ARHGEF4: variants seen among roughly 807,000 people sequenced by gnomAD.
The protein encoded by ARHGEF4 is Rho guanine nucleotide exchange factor 4.
ARHGEF4 carries 119 observed loss-of-function variants against 162.0 expected under a neutral mutation model. The observed-to-expected ratio is 0.73, with a 90% confidence interval of 0.63 to 0.86. The LOEUF is 0.86. Ranked by LOEUF, ARHGEF4 falls within the 40% of genes least tolerant of loss-of-function variation. The pLI is 0.00. For synonymous variants in ARHGEF4, 1,014 were observed against 979.9 expected (o/e 1.03, Z -0.65); for missense variants, 2,488 against 2,456.0 (o/e 1.01, Z -0.28).
At chr2:130,927,313 A>C (rs1289613386) in intron 2 of ARHGEF4, among the ~76,000 whole-genome samples, 1 of 152,146 alleles carries the variant, frequency 6.6e-6, no homozygotes, top group African/African-American at 2.4e-5. Flanking sequence ...GACACCAGGA[A>C]GAGGATGGAA....
At chr2:130,904,711 A>G (rs768435034) in intron 1 of ARHGEF4, among the ~76,000 whole-genome samples, 5 of 151,982 alleles carry the variant, frequency 3.3e-5, no homozygotes, top group Admixed American at 1.3e-4. Flanking sequence ...CTTTTTTGCA[A>G]ATATTTTTAA....
In ARHGEF4 at chr2:130,890,560, TA is replaced by T. The variant is rs1182979069; in HGVS notation, c.40-23410del. Among the ~76,000 whole-genome samples the T allele has an allele frequency of 9.7e-3, 1,331 of 137,394 alleles. 8 individuals carry two copies. Among genetic ancestry groups the T allele is most frequent in the African/African-American group, 0.02 (759 of 37,092 alleles). 90.1% of individuals were successfully genotyped at this position (137,394 alleles called of 152,430 possible). The stretch of plus-strand genomic sequence containing the variant: ...CTGGGTGATAGAGCGAGACTCCGTT[TA>T]AAAAAAAAAAAAAAATTCCATCATT... On this transcript the variant is annotated intron_variant, in intron 1 of 13. Coordinates refer to ENST00000409359, the MANE Select transcript of ARHGEF4 (RefSeq NM_001367493.1).
intron 1 of ARHGEF4, among the ~76,000 whole-genome samples, chr2:130,867,384 C>T (rs1028359806): frequency 1.3e-5 from 2 of 151,792 alleles, no homozygotes; most frequent in African/African-American, 4.8e-5. Flanking sequence ...ATTACAGGTG[C>T]GTGCCACTGC....
intron 3 of ARHGEF4, 24 bp from the exon 4 acceptor site, chr2:130,946,485 T>C (rs775457019): frequency 4.4e-6 from 7 of 1,594,054 alleles, no homozygotes; most frequent in Non-Finnish European, 5.1e-6. Context: ...TCATTTGCCC[T>C]CTGTCTCTTT....
rs1255756093 is a variant in ARHGEF4, at chr2:130,914,903, G to A, written c.957G>A (p.Lys319=). The change falls in exon 2 of 14, where the codon AAG becomes AAA. Residue 319 remains lysine, a synonymous_variant. Transcript: ENST00000409359. The part of the protein sequence containing the change: ...HHSAPETTGD[K]NRASPRLNCG... ...GTGCCCCAGAAACTACTGGTGACAA[G>A]AACAGGGCATCCCCCAGACTCAACT... is the stretch of plus-strand genomic sequence containing the variant. 9 of 1,514,228 alleles carry A rather than the reference G, an allele frequency of 5.9e-6. No homozygotes were observed. The highest frequency in any genetic ancestry group is 8.0e-6 in the Non-Finnish European group (9 of 1,128,436). 93.8% of individuals were successfully genotyped at this position (1,514,228 alleles called of 1,614,324 possible). A position where few individuals can be genotyped will look rare whatever the true frequency, so the allele number is the denominator to read the frequency against.
chr2:130,918,356 A>G lies in ARHGEF4; in HGVS notation c.3552+858A>G, dbSNP rs77948932. ...CAGGGTCAGGCACAGAACGGAGCAG[A>G]GAAGGGTTGGATTTCTCATCCCAGC... On this transcript the variant is annotated intron_variant, in intron 2 of 13. Coordinates refer to ENST00000409359, the MANE Select transcript of ARHGEF4 (RefSeq NM_001367493.1). Among the ~76,000 whole-genome samples, 327 of 152,328 alleles carry G rather than the reference A, an allele frequency of 2.1e-3. 1 individual carries two copies. The highest frequency in any genetic ancestry group is 6.5e-3 in the African/African-American group (271 of 41,572).
chr2:130,846,998 T>G (rs1321127739), intron 1 of ARHGEF4, among the ~76,000 whole-genome samples: 5 of 152,224 alleles, frequency 3.3e-5, no homozygotes, highest in African/African-American at 1.2e-4. Flanking sequence ...AGCCCCAGAT[T>G]TGATTCTCCA....
chr2:130,952,401 T>G (rs1046029768), intron 4 of ARHGEF4, among the ~76,000 whole-genome samples: 3 of 152,170 alleles, frequency 2.0e-5, no homozygotes, highest in South Asian at 4.1e-4. Context: ...TAGGTATTGA[T>G]GGAACGTATC....
At position 131,044,948 on chromosome 2, in the gene ARHGEF4, C is replaced by T. The variant is rs1259177920; in HGVS notation, c.5401+406C>T. ...CTTGGAGTGGGCTGTGGGTACTGGC[C>T]TCAGAAGCCTCCCCTGCCCCATGCA... On this transcript the variant is annotated intron_variant, in intron 12 of 13. Coordinates refer to ENST00000409359, the MANE Select transcript of ARHGEF4 (RefSeq NM_001367493.1). Among the ~76,000 whole-genome samples the T allele has an allele frequency of 2.0e-5, 3 of 152,152 alleles. No individual in the cohort carries two copies. In the East Asian group the frequency reaches 5.8e-4, roughly 29 times the overall value.
Position 131,036,423 on chromosome 2 carries a change from G to C in ARHGEF4, c.4126-2430G>C, listed in dbSNP as rs565937184. On this transcript the variant is annotated intron_variant, in intron 5 of 13. Coordinates refer to ENST00000409359, the MANE Select transcript of ARHGEF4 (RefSeq NM_001367493.1). ...TGTCCCTCTGCCAGGGTGCGACAAA[G>C]GCAATTAACACCTCCTCCCCTCCTC... 3.3e-5 allele frequency among the ~76,000 whole-genome samples: 5 copies of C among 152,332 alleles called. No individual in the cohort carries two copies. The South Asian group carries it at 1.0e-3, about 32-fold the overall frequency.
Position 130,997,447 on chromosome 2 carries a change from T to C in ARHGEF4, c.3986-30498T>C, listed in dbSNP as rs75111300. 1.5e-4 allele frequency among the ~76,000 whole-genome samples: 23 copies of C among 152,344 alleles called. No homozygotes were observed. The East Asian group carries it at 4.2e-3, about 28-fold the overall frequency. ...TCTCCTATAATCCAGTGCCTTTTGT[T>C]TCTTGTGCTTCACTTACAGCATAAG... On this transcript the variant is annotated intron_variant, in intron 4 of 13. Transcript: ENST00000409359.
At chr2:130,960,884 A>G (rs1226467562) in intron 4 of ARHGEF4, among the ~76,000 whole-genome samples, 1 of 152,146 alleles carries the variant, frequency 6.6e-6, no homozygotes, top group East Asian at 1.9e-4. Context: ...CCTTACCCAC[A>G]AGACAGCTAG....
intron 2 of ARHGEF4, among the ~76,000 whole-genome samples, chr2:130,927,934 C>T (rs1682395519): frequency 6.6e-6 from 1 of 152,064 alleles, no homozygotes; most frequent in African/African-American, 2.4e-5. Flanking sequence ...GCATACTGTT[C>T]TTGTTTAATG....
intron 6 of ARHGEF4, chr2:131,039,669 G>A (rs1690608763): frequency 7.5e-6 from 9 of 1,194,012 alleles, no homozygotes; most frequent in Admixed American, 4.4e-5. Flanking sequence ...CAGCGGGCGC[G>A]CCACCCATCC....
chr2:130,848,439 C>T (rs1489842863), intron 1 of ARHGEF4, among the ~76,000 whole-genome samples: 1 of 152,208 alleles, frequency 6.6e-6, no homozygotes, highest in Non-Finnish European at 1.5e-5. Context: ...TGGACAGGGG[C>T]TTCCGAGCCC....
At chr2:130,928,424 C>T (rs1682433264) in intron 2 of ARHGEF4, among the ~76,000 whole-genome samples, 1 of 152,212 alleles carries the variant, frequency 6.6e-6, no homozygotes, top group South Asian at 2.1e-4. Context: ...ACTGCTTTCA[C>T]CAGTTAAGTC....
At chr2:130,988,374 C>A (rs1368572381) in intron 4 of ARHGEF4, among the ~76,000 whole-genome samples, 1 of 152,196 alleles carries the variant, frequency 6.6e-6, no homozygotes, top group Non-Finnish European at 1.5e-5. Flanking sequence ...AGATTGGGAT[C>A]CCCTATGAAA....
intron 1 of ARHGEF4, among the ~76,000 whole-genome samples, chr2:130,872,992 G>A (rs749270131): frequency 1.3e-5 from 2 of 152,188 alleles, no homozygotes; most frequent in Non-Finnish European, 2.9e-5. Context: ...CACCTTTAGA[G>A]GCTGCAAGGC....
chr2:130,966,286 G>A (rs1180411383), intron 4 of ARHGEF4, among the ~76,000 whole-genome samples: 1 of 152,220 alleles, frequency 6.6e-6, no homozygotes, highest in Non-Finnish European at 1.5e-5. Flanking sequence ...GAAGCCGTCT[G>A]TCCTTCTCAA....
Sources: allele counts gnomAD v4.1 joint callset (sites outside exome capture counted in the v4.1 genomes callset), GRCh38; gene constraint gnomAD v4.1.1; transcripts MANE v1.5; gene names NCBI Gene and HGNC (gene_info 2026-07-23, HGNC 2026-07-21).